Variants in RABGAP1 observed in about 807,000 individuals in gnomAD.
RABGAP1 encodes the protein RAB GTPase activating protein 1.
A neutral mutation model predicts 137.6 loss-of-function variants in RABGAP1; 23 were observed. That is an observed-to-expected ratio of 0.17 (90% CI 0.12 to 0.24). RABGAP1 has a LOEUF of 0.24. Ranked by LOEUF, RABGAP1 falls within the 10% of genes least tolerant of loss-of-function variation. RABGAP1 has a pLI of 1.00. For missense variants in RABGAP1, 906 were observed against 1,275.8 expected (o/e 0.71, Z 4.42); for synonymous variants, 451 against 450.7 (o/e 1.00, Z -0.01).
chr9:123,021,526 G>A (rs754755080), intron 13 of RABGAP1, among the ~76,000 whole-genome samples: 21 of 151,996 alleles, frequency 1.4e-4, no homozygotes, highest in South Asian at 6.2e-4. Flanking sequence ...TCTCCATTTT[G>A]GCCAGACTGG....
intron 11 of RABGAP1, among the ~76,000 whole-genome samples, chr9:123,011,250 G>A (rs1020371247): frequency 7.2e-5 from 11 of 152,186 alleles, no homozygotes; most frequent in African/African-American, 2.7e-4. Flanking sequence ...GAAATTCATA[G>A]AGGAGAATTC....
chr9:122,949,603 G>A (rs1304714471), intron 1 of RABGAP1, among the ~76,000 whole-genome samples: 2 of 148,484 alleles, frequency 1.3e-5, no homozygotes, highest in Non-Finnish European at 2.9e-5. Flanking sequence ...GCTGAGGCAG[G>A]AGAATCGCTT....
chr9:123,037,709 G>C (rs2032735164), intron 13 of RABGAP1, among the ~76,000 whole-genome samples: 1 of 152,116 alleles, frequency 6.6e-6, no homozygotes. Context: ...AAATCAGCAG[G>C]TTTGATCTTA....
At chr9:122,975,682 A>G (rs769484560) in intron 2 of RABGAP1, among the ~76,000 whole-genome samples, 4 of 152,200 alleles carry the variant, frequency 2.6e-5, no homozygotes, top group Non-Finnish European at 4.4e-5. Context: ...GGGTGGAGGA[A>G]TACCAACACT....
chr9:123,088,486 A>C (rs774546332), intron 19 of RABGAP1, among the ~76,000 whole-genome samples: 9 of 152,166 alleles, frequency 5.9e-5, no homozygotes, highest in Admixed American at 5.2e-4. Flanking sequence ...AAGGAAAGAT[A>C]GTCACCCAGC....
At chr9:122,972,205 G>A (rs563575128) in intron 2 of RABGAP1, among the ~76,000 whole-genome samples, 1 of 152,260 alleles carries the variant, frequency 6.6e-6, no homozygotes, top group East Asian at 1.9e-4. Flanking sequence ...GAGGCAGGAG[G>A]ATCACTGGAG....
intron 19 of RABGAP1, among the ~76,000 whole-genome samples, chr9:123,077,610 CATTGTATTGTATTGTATTGTATTGT>C (rs71508192): frequency 0.035 from 3,218 of 91,362 alleles, 68 homozygotes; most frequent in African/African-American, 0.062. Flanking sequence ...GTTATCATAA[CATTGTATTGTATTGTATTGTATTGT>C]ATTGTATTGT....
chr9:122,968,606 T>C (rs1482130718), intron 2 of RABGAP1, among the ~76,000 whole-genome samples: 1 of 152,118 alleles, frequency 6.6e-6, no homozygotes, highest in Non-Finnish European at 1.5e-5. Context: ...TTATTTTTTA[T>C]TTTACTTTAT....
intron 13 of RABGAP1, chr9:123,035,710 A>G (rs1251617511): frequency 4.9e-6 from 4 of 812,258 alleles, no homozygotes; most frequent in Non-Finnish European, 7.7e-6. Context: ...TTCCTAATTC[A>G]CTAGGAAATC....
chr9:123,062,463 T>G (rs2034014196), intron 13 of RABGAP1: 1 of 152,234 alleles, frequency 6.6e-6, no homozygotes, highest in East Asian at 1.9e-4. Flanking sequence ...TCTGCATCAC[T>G]TTTGCATGAT....
intron 14 of RABGAP1, among the ~76,000 whole-genome samples, chr9:123,069,957 A>G (rs1176635794): frequency 6.6e-6 from 1 of 152,242 alleles, no homozygotes; most frequent in Non-Finnish European, 1.5e-5. Context: ...CCATAGAGGC[A>G]GAGAAGAGAG....
At chr9:123,042,566 T>C (rs570080990) in intron 13 of RABGAP1, among the ~76,000 whole-genome samples, 53 of 152,280 alleles carry the variant, frequency 3.5e-4, no homozygotes, top group East Asian at 9.7e-4. Flanking sequence ...GAAAGAACTC[T>C]TGCAATTTAA....
intron 2 of RABGAP1, 143 bp downstream of exon 2, chr9:122,957,352 C>G: frequency 1.5e-6 from 1 of 660,958 alleles, no homozygotes; most frequent in Non-Finnish European, 2.2e-6. Flanking sequence ...TTTATTTGCA[C>G]TTAGTGAGAA....
chr9:122,958,753 A>C (rs1324432054), intron 2 of RABGAP1, among the ~76,000 whole-genome samples: 2 of 152,158 alleles, frequency 1.3e-5, no homozygotes, highest in Non-Finnish European at 2.9e-5. Context: ...TCACACCTAT[A>C]ATCCCAACGC....
At chr9:122,982,405 T>C (rs1368699880) in intron 2 of RABGAP1, among the ~76,000 whole-genome samples, 2 of 152,222 alleles carry the variant, frequency 1.3e-5, no homozygotes, top group Non-Finnish European at 2.9e-5. Context: ...TATTTCAACG[T>C]AGGCAGCCTA....
chr9:123,074,138 A>T (rs2034443180), intron 16 of RABGAP1, 147 bp from the exon 17 acceptor site: 1 of 901,798 alleles, frequency 1.1e-6, no homozygotes, highest in East Asian at 2.7e-5. Flanking sequence ...TTAATACCAG[A>T]TGATAAGTGT....
intron 21 of RABGAP1, among the ~76,000 whole-genome samples, chr9:123,091,660 T>TA (rs2035035743): frequency 6.6e-6 from 1 of 152,058 alleles, no homozygotes; most frequent in African/African-American, 2.4e-5. Flanking sequence ...CAGGCATTGT[T>TA]AGCGCCCTCT....
In RABGAP1 at chr9:123,098,683, A is replaced by C. The variant is rs374272586; in HGVS notation, c.2734-32A>C. ...CAGAACTTCCTTTATTTTTCTGTTA[A>C]CATAGTCCCTTTTGTTTTTTTATGT... On this transcript the variant is annotated intron_variant, in intron 22 of 25. Transcript: ENST00000373647. The C allele has an allele frequency of 3.1e-6, 5 of 1,592,528 alleles. No homozygotes were observed. In the African/African-American group the frequency reaches 6.8e-5, roughly 22 times the overall value.
chr9:122,937,612 A>G (rs1012987924), upstream of RABGAP1: 1 of 151,892 alleles, frequency 6.6e-6, no homozygotes, highest in Non-Finnish European at 1.5e-5. Flanking sequence ...AAAAACAAAC[A>G]AACAGAAAAA....
Sources: gnomAD v4.1 joint callset for allele counts (sites outside exome capture counted in the v4.1 genomes callset) on GRCh38, gnomAD v4.1.1 for gene constraint, MANE v1.5 for transcripts, NCBI Gene and HGNC (gene_info 2026-07-23, HGNC 2026-07-21) for gene names.